SMARCAD1: variants seen among roughly 807,000 people sequenced by gnomAD.
SMARCAD1 encodes the protein SNF2 related chromatin remodeling ATPase with DExD box 1.
SMARCAD1 carries 25 observed loss-of-function variants against 127.1 expected under a neutral mutation model. The observed-to-expected ratio is 0.20, with a 90% CI of 0.14 to 0.27. The LOEUF is 0.27. Among genes scored for constraint, SMARCAD1 ranks in the 10% least tolerant of loss-of-function variants. The probability of loss-of-function intolerance (pLI) is 1.00; values close to 1 mark genes in which losing one functional copy is unlikely to be tolerated. For missense variants in SMARCAD1, 807 were observed against 1,206.0 expected, an observed-to-expected ratio of 0.67 and a Z score of 4.90; for synonymous variants, 400 against 396.9, an observed-to-expected ratio of 1.01 and a Z score of -0.09.
chr4:94,258,634 T>C (rs1560546345), intron 9 of SMARCAD1, among the ~76,000 whole-genome samples: 1 of 152,194 alleles, frequency 6.6e-6, no homozygotes, highest in South Asian at 2.1e-4. Flanking sequence ...TCCATTGGTT[T>C]TGTAAGTGCA....
intron 3 of SMARCAD1, among the ~76,000 whole-genome samples, chr4:94,232,842 T>C (rs77889526): frequency 7.1e-6 from 1 of 140,064 alleles, no homozygotes; most frequent in Admixed American, 7.3e-5. Flanking sequence ...AAAATAGGTG[T>C]GGTGGCAAGC....
chr4:94,219,385 T>C (rs1743723116), intron 2 of SMARCAD1, among the ~76,000 whole-genome samples: 1 of 152,202 alleles, frequency 6.6e-6, no homozygotes, highest in Non-Finnish European at 1.5e-5. Flanking sequence ...ACTAGTGATT[T>C]TTTTTGTTCG....
At chr4:94,246,036 A>G (rs990074417) in intron 6 of SMARCAD1, among the ~76,000 whole-genome samples, 1 of 152,030 alleles carries the variant, frequency 6.6e-6, no homozygotes, top group African/African-American at 2.4e-5. Context: ...ACGAAACCCA[A>G]GTGGCGGAGT....
At chr4:94,258,998 C>G (rs1450277058) in intron 9 of SMARCAD1, among the ~76,000 whole-genome samples, 1 of 152,158 alleles carries the variant, frequency 6.6e-6, no homozygotes, top group African/African-American at 2.4e-5. Flanking sequence ...AATATCCATG[C>G]CCACCCTATA....
chr4:94,253,332 T>C (rs1749562398), intron 9 of SMARCAD1: 2 of 1,330,292 alleles, frequency 1.5e-6, no homozygotes, highest in South Asian at 1.2e-5. Flanking sequence ...AGTTGTTTGC[T>C]AGCCTGTTCT....
rs746793279 is a variant in SMARCAD1 at position 94,233,940 on chromosome 4, A to G, written c.369-14A>G. On this transcript the variant is annotated splice_polypyrimidine_tract_variant and intron_variant, in intron 3 of 23. Transcript: ENST00000354268. Reference sequence around the variant, plus strand: ...CATTAAAAATGTTTTTTGCTCCTCTAAAAATATTTTTAGTTCTGAGCCATC... The same window carrying G: ...CATTAAAAATGTTTTTTGCTCCTCTGAAAATATTTTTAGTTCTGAGCCATC... 1.2e-6 allele frequency: 2 copies of G among 1,612,986 alleles called. No individual in the cohort carries two copies. Among genetic ancestry groups the G allele is most frequent in the Non-Finnish European group, 8.5e-7 (1 of 1,179,322 alleles).
At chr4:94,225,912 G>A (rs898884351) in intron 2 of SMARCAD1, among the ~76,000 whole-genome samples, 1 of 152,128 alleles carries the variant, frequency 6.6e-6, no homozygotes, top group Non-Finnish European at 1.5e-5. Flanking sequence ...TTCCACTAAA[G>A]TCTTGTTAGT....
chr4:94,220,759 G>A (rs1052759440), intron 2 of SMARCAD1, among the ~76,000 whole-genome samples: 1 of 152,214 alleles, frequency 6.6e-6, no homozygotes, highest in African/African-American at 2.4e-5. Flanking sequence ...GGCTCTAGAC[G>A]GTTCTAGTAG....
At chr4:94,275,541 C>T (rs1579320163) in intron 14 of SMARCAD1, among the ~76,000 whole-genome samples, 1 of 151,892 alleles carries the variant, frequency 6.6e-6, no homozygotes, top group Non-Finnish European at 1.5e-5. Context: ...AAAATTCATG[C>T]GGAATTTTAT....
chr4:94,247,462 A>G (rs528917268), intron 6 of SMARCAD1, among the ~76,000 whole-genome samples: 1 of 152,340 alleles, frequency 6.6e-6, no homozygotes, highest in South Asian at 2.1e-4. Context: ...CACACCATCT[A>G]CTAAATATTT....
intron 6 of SMARCAD1, among the ~76,000 whole-genome samples, chr4:94,246,103 C>T (rs1039694238): frequency 6.6e-6 from 1 of 151,362 alleles, no homozygotes; most frequent in African/African-American, 2.4e-5. Context: ...GGGCCCCATT[C>T]ATAACTGACA....
chr4:94,218,965 C>T (rs1453085291), intron 2 of SMARCAD1, among the ~76,000 whole-genome samples: 4 of 152,026 alleles, frequency 2.6e-5, no homozygotes, highest in African/African-American at 7.2e-5. Context: ...ATGTGCACCA[C>T]CACGCCTGGC....
At chr4:94,272,694 T>G (rs1193644048) in intron 11 of SMARCAD1, among the ~76,000 whole-genome samples, 1 of 152,202 alleles carries the variant, frequency 6.6e-6, no homozygotes, top group Non-Finnish European at 1.5e-5. Flanking sequence ...CTGTTTTTGT[T>G]TTTTTAAATT....
At chr4:94,220,145 A>G (rs1014441501) in intron 2 of SMARCAD1, among the ~76,000 whole-genome samples, 6 of 152,200 alleles carry the variant, frequency 3.9e-5, no homozygotes, top group African/African-American at 1.4e-4. Context: ...ACTTCTGAAA[A>G]TAGTCCAGAT....
chr4:94,210,929 C>CAAAAAAAAA (rs747690168), intron 2 of SMARCAD1, among the ~76,000 whole-genome samples: 35 of 57,038 alleles, frequency 6.1e-4, no homozygotes, highest in African/African-American at 2.8e-3. Flanking sequence ...GACTGTATCT[C>CAAAAAAAAA]AAAAAAAAAA....
Position 94,281,454 on chromosome 4 carries a change from A to G in SMARCAD1, c.2608-18A>G. The G allele has an allele frequency of 6.6e-7, 1 of 1,507,056 alleles. No individual in the cohort carries two copies. The highest frequency in any genetic ancestry group is 1.4e-5 in the African/African-American group (1 of 72,916). 93.4% of individuals were successfully genotyped at this position (1,507,056 alleles called of 1,614,324 possible). A position where few individuals can be genotyped will look rare whatever the true frequency, so the allele number is the denominator to read the frequency against. ...AAACGATTTTTTCTATTTCTAATTC[A>G]TGTATGTATTTTCACAGGGTGATAG... On this transcript the variant is annotated intron_variant, in intron 20 of 23. Coordinates refer to ENST00000354268, the MANE Select transcript of SMARCAD1 (RefSeq NM_020159.5).
intron 2 of SMARCAD1, chr4:94,213,297 A>C (rs185133206): frequency 1.4e-5 from 5 of 348,786 alleles, no homozygotes; most frequent in African/African-American, 1.1e-4. Context: ...AGTCACAGAG[A>C]TATGACCTTT....
At chr4:94,280,538 C>A in intron 19 of SMARCAD1, 54 bp from the exon 20 acceptor site, 2 of 1,466,206 alleles carry the variant, frequency 1.4e-6, no homozygotes, top group South Asian at 1.2e-5. Flanking sequence ...CTTTTCTCAT[C>A]ATATTATTAA....
At chr4:94,253,319 A>G (rs932461445) in intron 9 of SMARCAD1, 6 of 1,348,092 alleles carry the variant, frequency 4.5e-6, no homozygotes, top group Admixed American at 2.2e-5. Flanking sequence ...ACATTTAGGA[A>G]GGAGTTGTTT....
Sources: gnomAD v4.1 joint callset for allele counts (sites outside exome capture counted in the v4.1 genomes callset) on GRCh38, gnomAD v4.1.1 for gene constraint, MANE v1.5 for transcripts, NCBI Gene and HGNC (gene_info 2026-07-23, HGNC 2026-07-21) for gene names.